TNRC6B: variants seen among roughly 807,000 people sequenced by gnomAD.
The protein encoded by TNRC6B is trinucleotide repeat-containing gene 6B protein.
Under a neutral mutation model 203.6 loss-of-function variants are expected in TNRC6B, and 52 were observed. That is an observed-to-expected ratio of 0.26 (90% CI 0.20 to 0.32). TNRC6B has a LOEUF of 0.32. TNRC6B is among the 10% of genes least tolerant of loss of function. TNRC6B has a pLI of 1.00. For synonymous variants in TNRC6B, 838 were observed against 845.7 expected (o/e 0.99, Z 0.16); for missense variants, 1,923 against 2,286.2 (o/e 0.84, Z 3.24).
chr22:40,194,361 A>G (rs951125727), intron 1 of TNRC6B, among the ~76,000 whole-genome samples: 4 of 152,146 alleles, frequency 2.6e-5, no homozygotes, highest in African/African-American at 9.7e-5. Context: ...ACAGGTAGGA[A>G]GTGACCCCGA....
chr22:40,296,418 G>A (rs1481703028), intron 12 of TNRC6B, among the ~76,000 whole-genome samples: 6 of 145,428 alleles, frequency 4.1e-5, no homozygotes, highest in Non-Finnish European at 4.5e-5. Context: ...TGCAAGCTCC[G>A]CCTCCCGGGT....
intron 1 of TNRC6B, among the ~76,000 whole-genome samples, chr22:40,115,025 C>T (rs1292585502): frequency 6.6e-6 from 1 of 152,140 alleles, no homozygotes; most frequent in East Asian, 1.9e-4. Context: ...TTCTGTAAAA[C>T]CTGGATTCAA....
chr22:40,242,692 A>G (rs1011046854), intron 1 of TNRC6B, among the ~76,000 whole-genome samples: 1 of 152,048 alleles, frequency 6.6e-6, no homozygotes, highest in Non-Finnish European at 1.5e-5. Flanking sequence ...GGCCTCCCAA[A>G]GTGCTGGAAT....
chr22:40,065,827 C>T (rs1411557655), intron 1 of TNRC6B, among the ~76,000 whole-genome samples: 2 of 152,098 alleles, frequency 1.3e-5, no homozygotes, highest in South Asian at 2.1e-4. Context: ...TAGTGCCCCA[C>T]GAATGATGGT....
chr22:40,321,281 C>T (rs376709850), intron 22 of TNRC6B, 52 bp downstream of exon 22: 57 of 1,588,284 alleles, frequency 3.6e-5, no homozygotes, highest in African/African-American at 2.6e-4. Flanking sequence ...AAGATGCACC[C>T]GTGAGTATTC....
chr22:40,045,227 TGAGCGCGCGCTCCGCGGGAGCGGGC>T (rs1348140421), intron 1 of TNRC6B, among the ~76,000 whole-genome samples: 1 of 140,234 alleles, frequency 7.1e-6, no homozygotes, highest in Non-Finnish European at 1.6e-5. Context: ...CCGGCGGCGC[TGAGCGCGCGCTCCGCGGGAGCGGGC>T]GCCGCCGAGA....
intron 5 of TNRC6B, 50 bp from the exon 6 acceptor site, chr22:40,270,072 T>A (rs773242312): frequency 6.5e-7 from 1 of 1,541,962 alleles, no homozygotes; most frequent in Admixed American, 2.0e-5. Context: ...CTGGATATTA[T>A]GGCATTTCAT....
intron 1 of TNRC6B, among the ~76,000 whole-genome samples, chr22:40,114,504 G>A (rs1255058994): frequency 6.6e-6 from 1 of 151,950 alleles, no homozygotes; most frequent in Non-Finnish European, 1.5e-5. Flanking sequence ...ACATTTTTTT[G>A]TAGAGATAGG....
At chr22:40,085,811 CTTTG>C (rs752664178) in intron 1 of TNRC6B, among the ~76,000 whole-genome samples, 3 of 151,910 alleles carry the variant, frequency 2.0e-5, no homozygotes, top group Non-Finnish European at 2.9e-5. Context: ...AGTCATTTGT[CTTTG>C]TTTGTTAGCT....
Position 40,278,058 on chromosome 22 carries a change from C to T in TNRC6B, c.3262+14C>T, listed in dbSNP as rs186434971. 3.0e-3 allele frequency: 4,646 copies of T among 1,555,554 alleles called. 15 individuals carry two copies. The highest frequency in any genetic ancestry group is 3.8e-3 in the Admixed American group (197 of 51,552). ...ATTTGTCTGTAGGTGTGTATCACTC[C>T]GCTGAAAAGAATGGAGTATATCAGT... On this transcript the variant is annotated intron_variant, in intron 9 of 22. Transcript: ENST00000454349.
intron 1 of TNRC6B, among the ~76,000 whole-genome samples, chr22:40,221,945 T>C (rs1392468508): frequency 2.0e-5 from 3 of 152,146 alleles, no homozygotes; most frequent in African/African-American, 7.2e-5. Context: ...CTTCCTGTCC[T>C]GAAGTGATGT....
Position 40,177,985 on chromosome 22 carries a change from C to T in TNRC6B, c.-151C>T. The T allele has an allele frequency of 6.7e-7, 1 of 1,494,076 alleles. No individual in the cohort carries two copies. The highest frequency in any genetic ancestry group is 8.9e-7 in the Non-Finnish European group (1 of 1,129,432). The allele number at this position is 1,494,076 out of a possible 1,614,324, so 92.6% of individuals were successfully genotyped here. On this transcript the variant is annotated 5_prime_UTR_variant, in exon 1 of 23. Transcript: ENST00000454349. ...GTGTGTGAGAGAGAGTTAGTTCAAG[C>T]CAAAATGGCCGACAGAGTCTCTGCT...
intron 2 of TNRC6B, among the ~76,000 whole-genome samples, chr22:40,120,729 G>A (rs2068436371): frequency 6.6e-6 from 1 of 152,154 alleles, no homozygotes; most frequent in African/African-American, 2.4e-5. Flanking sequence ...TAGCACAAAG[G>A]AGTAAGGCAG....
intron 1 of TNRC6B, among the ~76,000 whole-genome samples, chr22:40,078,754 A>C (rs1461906280): frequency 6.6e-6 from 1 of 151,576 alleles, no homozygotes; most frequent in African/African-American, 2.4e-5. Flanking sequence ...CACCATGCCT[A>C]GCTAATTTCT....
At chr22:40,206,147 T>A (rs148346430) in intron 1 of TNRC6B, among the ~76,000 whole-genome samples, 189 of 152,264 alleles carry the variant, frequency 1.2e-3, no homozygotes, top group African/African-American at 4.1e-3. Context: ...TTTAATTTTT[T>A]ATTTTTTGTT....
intron 3 of TNRC6B, among the ~76,000 whole-genome samples, chr22:40,146,561 ATTTTTTTTT>A (rs59901929): frequency 2.4e-3 from 263 of 109,224 alleles, no homozygotes; most frequent in South Asian, 4.7e-3. Flanking sequence ...CGCCCGGCTA[ATTTTTTTTT>A]TTTTTTTTTT....
chr22:40,150,840 A>C (rs1480425687), intron 3 of TNRC6B, among the ~76,000 whole-genome samples: 1 of 152,158 alleles, frequency 6.6e-6, no homozygotes, highest in African/African-American at 2.4e-5. Flanking sequence ...ATGAGGATGT[A>C]TAGCTGTAGG....
At chr22:40,244,539 T>C (rs187125555) in intron 1 of TNRC6B, among the ~76,000 whole-genome samples, 37 of 152,280 alleles carry the variant, frequency 2.4e-4, no homozygotes, top group Non-Finnish European at 4.9e-4. Flanking sequence ...ATGGTTCCTT[T>C]TGTATAGTTT....
At chr22:40,160,027 G>A (rs1408533468) in intron 4 of TNRC6B, among the ~76,000 whole-genome samples, 2 of 152,056 alleles carry the variant, frequency 1.3e-5, no homozygotes, top group African/African-American at 4.8e-5. Context: ...TGTTGCCCAG[G>A]CTGGTCTCCA....
Sources: allele counts gnomAD v4.1 joint callset (sites outside exome capture counted in the v4.1 genomes callset), GRCh38; gene constraint gnomAD v4.1.1; transcripts MANE v1.5; gene names NCBI Gene and HGNC (gene_info 2026-07-23, HGNC 2026-07-21).